Variants in SCHIP1 observed in about 807,000 individuals in gnomAD.
SCHIP1 encodes the protein schwannomin-interacting protein 1.
In SCHIP1, 8 loss-of-function variants were observed where a neutral mutation model predicts 29.7. The observed-to-expected ratio is 0.27, with a 90% CI of 0.16 to 0.49. The LOEUF is 0.49. Ranked by LOEUF, SCHIP1 falls within the 20% of genes least tolerant of loss-of-function variation. The pLI, the probability that SCHIP1 is intolerant of heterozygous loss-of-function variation, is 0.99. For synonymous variants in SCHIP1, 76 were observed against 94.9 expected, an observed-to-expected ratio of 0.80 and a Z score of 1.16; for missense variants, 193 against 294.6, an observed-to-expected ratio of 0.66 and a Z score of 2.52.
chr3:159,662,729 T>G, the SCHIP1 span, among the ~76,000 whole-genome samples: 2 of 152,210 alleles, frequency 1.3e-5, no homozygotes, highest in Admixed American at 6.5e-5. Context: ...ACAATTGTTA[T>G]GTATTCCTCT....
chr3:159,416,788 G>A, the SCHIP1 span, among the ~76,000 whole-genome samples: 1 of 152,150 alleles, frequency 6.6e-6, no homozygotes, highest in East Asian at 1.9e-4. Flanking sequence ...ATATGGTGTG[G>A]CTTTGTAGGG....
the SCHIP1 span, among the ~76,000 whole-genome samples, chr3:159,732,373 G>T: frequency 6.6e-6 from 1 of 152,204 alleles, no homozygotes; most frequent in Non-Finnish European, 1.5e-5. Context: ...TGGGAAGTTT[G>T]CGGGCAGCCC....
chr3:159,341,647 T>C, the SCHIP1 span, among the ~76,000 whole-genome samples: 1 of 152,168 alleles, frequency 6.6e-6, no homozygotes, highest in Non-Finnish European at 1.5e-5. Context: ...GTTTGCCACT[T>C]TCTCGAGCTT....
At chr3:159,775,945 G>C in the SCHIP1 span, among the ~76,000 whole-genome samples, 1 of 152,164 alleles carries the variant, frequency 6.6e-6, no homozygotes, top group Admixed American at 6.5e-5. Flanking sequence ...AAGCAGAAAA[G>C]CTGCTGTGCT....
the SCHIP1 span, among the ~76,000 whole-genome samples, chr3:159,791,738 A>G: frequency 2.6e-5 from 4 of 152,292 alleles, no homozygotes; most frequent in Admixed American, 2.6e-4. Context: ...GTTGGCCTTT[A>G]TTATCAGTTG....
At chr3:159,436,909 G>A in the SCHIP1 span, among the ~76,000 whole-genome samples, 393 of 152,110 alleles carry the variant, frequency 2.6e-3, 2 homozygotes, top group African/African-American at 9.0e-3. Flanking sequence ...TTGTCCTCTA[G>A]GAAGTTCTAA....
chr3:159,787,946 A>T, the SCHIP1 span, among the ~76,000 whole-genome samples: 1 of 152,150 alleles, frequency 6.6e-6, no homozygotes, highest in African/African-American at 2.4e-5. Flanking sequence ...ATTGAGGTTT[A>T]TGTAGGGGAA....
chr3:159,664,632 G>A, the SCHIP1 span, among the ~76,000 whole-genome samples: 1 of 152,202 alleles, frequency 6.6e-6, no homozygotes, highest in African/African-American at 2.4e-5. Flanking sequence ...AACATGTGTT[G>A]CCACATCGGA....
At chr3:159,296,191 C>G in the SCHIP1 span, among the ~76,000 whole-genome samples, 1 of 150,852 alleles carries the variant, frequency 6.6e-6, no homozygotes, top group African/African-American at 2.4e-5. Context: ...AATATTTGAG[C>G]CGAAATTATT....
chr3:159,699,840 C>T, the SCHIP1 span, among the ~76,000 whole-genome samples: 1 of 152,150 alleles, frequency 6.6e-6, no homozygotes, highest in Non-Finnish European at 1.5e-5. Flanking sequence ...GCAGTTTGTG[C>T]TAGAGCTTCT....
chr3:159,401,338 TA>T, the SCHIP1 span: 4 of 967,356 alleles, frequency 4.1e-6, no homozygotes, highest in African/African-American at 3.5e-5. Context: ...TTGAGGCATC[TA>T]GACTAAGTGG....
At chr3:159,720,226 C>A in the SCHIP1 span, among the ~76,000 whole-genome samples, 2 of 45,838 alleles carry the variant, frequency 4.4e-5, no homozygotes, top group African/African-American at 1.9e-4. Flanking sequence ...CGGGGCCTAT[C>A]GTGGGGTGGG....
chr3:159,409,423 C>A, the SCHIP1 span, among the ~76,000 whole-genome samples: 11 of 152,010 alleles, frequency 7.2e-5, no homozygotes, highest in African/African-American at 2.2e-4. Flanking sequence ...AACTGATCAA[C>A]AAATTTAGTA....
chr3:159,540,326 G>T, the SCHIP1 span, among the ~76,000 whole-genome samples: 1 of 151,986 alleles, frequency 6.6e-6, no homozygotes, highest in African/African-American at 2.4e-5. Flanking sequence ...CTATAGGAAG[G>T]GCTATTTAGT....
chr3:159,794,108 G>A, the SCHIP1 span, among the ~76,000 whole-genome samples: 1 of 152,130 alleles, frequency 6.6e-6, no homozygotes, highest in South Asian at 2.1e-4. Flanking sequence ...ACAGGTTCTG[G>A]GGATCAGAAC....
the SCHIP1 span, among the ~76,000 whole-genome samples, chr3:159,644,518 T>G: frequency 6.6e-6 from 1 of 152,112 alleles, no homozygotes; most frequent in Non-Finnish European, 1.5e-5. Flanking sequence ...TCTTTCTTCT[T>G]TTGGAGTTTT....
At chr3:159,309,070 A>C in the SCHIP1 span, 1 of 153,980 alleles carries the variant, frequency 6.5e-6, no homozygotes, top group East Asian at 1.9e-4. Context: ...GCTCACTACT[A>C]GGGTGATGGG....
the SCHIP1 span, among the ~76,000 whole-genome samples, chr3:159,518,295 G>T: frequency 1.8e-4 from 27 of 152,224 alleles, no homozygotes; most frequent in Non-Finnish European, 3.5e-4. Context: ...GCATTTGGAA[G>T]AGAGGAGGAA....
At chr3:159,810,886 G>C in the SCHIP1 span, among the ~76,000 whole-genome samples, 1 of 152,160 alleles carries the variant, frequency 6.6e-6, no homozygotes, top group Non-Finnish European at 1.5e-5. Flanking sequence ...CTGCCAAACT[G>C]TTTTCCAAAG....
Sources: gnomAD v4.1 joint callset for allele counts (sites outside exome capture counted in the v4.1 genomes callset) on GRCh38, gnomAD v4.1.1 for gene constraint, MANE v1.5 for transcripts, NCBI Gene and HGNC (gene_info 2026-07-23, HGNC 2026-07-21) for gene names.